The following PPP2R3A variants were observed in gnomAD, a reference collection of about 807,000 sequenced individuals.
PPP2R3A encodes the protein protein phosphatase 2 regulatory subunit B''alpha, also known as serine/threonine-protein phosphatase 2A regulatory subunit B'' subunit alpha.
A neutral mutation model predicts 106.9 loss-of-function variants in PPP2R3A; 80 were observed. The observed-to-expected ratio is 0.75, with a 90% CI of 0.62 to 0.90. The LOEUF is 0.90. PPP2R3A is among the 40% of genes least tolerant of loss of function. The pLI is 0.00. For synonymous variants in PPP2R3A, 483 were observed against 468.3 expected, an observed-to-expected ratio of 1.03 and a Z score of -0.41; for missense variants, 1,386 against 1,350.4, an observed-to-expected ratio of 1.03 and a Z score of -0.41.
intron 5 of PPP2R3A, among the ~76,000 whole-genome samples, chr3:136,066,440 A>G (rs778324949): frequency 3.3e-5 from 5 of 152,170 alleles, no homozygotes; most frequent in Non-Finnish European, 5.9e-5. Flanking sequence ...GGAAGGCAAG[A>G]TTGTTTTAAT....
In PPP2R3A at chr3:136,026,875, C is replaced by A. The variant is rs762605520; in HGVS notation, c.2039C>A (p.Pro680His). 4 of 1,612,930 alleles carry A rather than the reference C, an allele frequency of 2.5e-6. No homozygotes were observed. The highest frequency in any genetic ancestry group is 3.4e-6 in the Non-Finnish European group (4 of 1,179,066). Residue 680 changes from proline to histidine, a missense_variant, in exon 3 of 14, where the codon CCT (proline) becomes CAT (histidine). By Grantham distance (77) the Pro-to-His change is moderately conservative. Coordinates refer to ENST00000264977, the MANE Select transcript of PPP2R3A (RefSeq NM_002718.5). ...PEKKPGTPLP[P>H]PATSPSSPRP... is the part of the protein sequence containing the mutation. ...AAGAAACCTGGAACACCACTCCCACCTCCAGCCACCTCTCCAAGTAGTCCC... is the reference window on the plus strand; with the variant it reads ...AAGAAACCTGGAACACCACTCCCACATCCAGCCACCTCTCCAAGTAGTCCC...
rs147904629 is a variant in PPP2R3A at position 135,986,870 on chromosome 3, TCTAA to T, written c.-440-14186_-440-14183del. ...AATCCTTCTTGACTCCACTTTCCAC[TCTAA>T]CTTTTGCCTTATTTAATGTAAACAT... On this transcript the variant is annotated intron_variant, in intron 1 of 13. Coordinates refer to ENST00000264977, the MANE Select transcript of PPP2R3A (RefSeq NM_002718.5). 4.5e-3 allele frequency among the ~76,000 whole-genome samples: 684 copies of T among 152,296 alleles called. 3 individuals carry two copies. The highest frequency in any genetic ancestry group is 0.015 in the African/African-American group (636 of 41,570).
intron 1 of PPP2R3A, among the ~76,000 whole-genome samples, chr3:135,966,597 G>A (rs906262730): frequency 2.6e-5 from 4 of 152,140 alleles, no homozygotes; most frequent in Non-Finnish European, 5.9e-5. Context: ...GAACTCTGTT[G>A]TGCTCCCGTT....
chr3:136,103,187 C>T, intron 11 of PPP2R3A, 71 bp from the exon 12 acceptor site: 1 of 881,474 alleles, frequency 1.1e-6, no homozygotes, highest in Non-Finnish European at 1.8e-6. Flanking sequence ...TTTTAGATGT[C>T]AGGGAAAGTT....
At chr3:136,021,702 T>C (rs554587313) in intron 2 of PPP2R3A, among the ~76,000 whole-genome samples, 58 of 152,158 alleles carry the variant, frequency 3.8e-4, no homozygotes, top group Non-Finnish European at 8.1e-4. Context: ...GAAATCTAAA[T>C]ATAAAATGTG....
rs1233905196 is a variant in PPP2R3A at position 135,982,980 on chromosome 3, A to C, written c.-441+17131A>C. Among the ~76,000 whole-genome samples, 4 of 152,130 alleles carry C rather than the reference A, an allele frequency of 2.6e-5. No homozygotes were observed. In the East Asian group the frequency reaches 7.7e-4, roughly 29 times the overall value. ...TTACAGACAGATGAGTACTTCATGC[A>C]CTCTTCCAATTGGCAAGCTTAGTGC... On this transcript the variant is annotated intron_variant, in intron 1 of 13. Coordinates refer to ENST00000264977, the MANE Select transcript of PPP2R3A (RefSeq NM_002718.5).
chr3:136,010,848 TCTC>T (rs933750338), intron 2 of PPP2R3A, among the ~76,000 whole-genome samples: 1 of 152,140 alleles, frequency 6.6e-6, no homozygotes, highest in African/African-American at 2.4e-5. Context: ...CATCAGTTTT[TCTC>T]CTCTGCTCAA....
At chr3:136,096,736 A>G (rs1361550045) in intron 10 of PPP2R3A, among the ~76,000 whole-genome samples, 4 of 152,254 alleles carry the variant, frequency 2.6e-5, no homozygotes, top group Non-Finnish European at 4.4e-5. Context: ...CTTGAGTAGC[A>G]TACAGGAGTT....
intron 4 of PPP2R3A, among the ~76,000 whole-genome samples, chr3:136,041,847 T>G (rs1935299806): frequency 6.6e-6 from 1 of 152,188 alleles, no homozygotes; most frequent in Admixed American, 6.5e-5. Context: ...CCCAACATCT[T>G]TCTTCTTTAT....
At chr3:136,069,679 C>T (rs1374162696) in intron 5 of PPP2R3A, among the ~76,000 whole-genome samples, 1 of 152,174 alleles carries the variant, frequency 6.6e-6, no homozygotes, top group Non-Finnish European at 1.5e-5. Context: ...TAGCTAACTG[C>T]TCTGAAGAAA....
chr3:136,003,819 A>G (rs1933746867), intron 2 of PPP2R3A, among the ~76,000 whole-genome samples: 1 of 152,192 alleles, frequency 6.6e-6, no homozygotes, highest in Non-Finnish European at 1.5e-5. Flanking sequence ...TAAGGATCAA[A>G]ATAACTTGTG....
chr3:136,032,363 T>C (rs1934924486), intron 3 of PPP2R3A, among the ~76,000 whole-genome samples: 1 of 152,126 alleles, frequency 6.6e-6, no homozygotes, highest in South Asian at 2.1e-4. Flanking sequence ...GAGCTACTGA[T>C]TCGTGTACAT....
intron 13 of PPP2R3A, among the ~76,000 whole-genome samples, chr3:136,120,634 T>G (rs1301466148): frequency 1.3e-5 from 2 of 151,790 alleles, no homozygotes; most frequent in Middle Eastern, 6.8e-3. Flanking sequence ...ATTAACAGGG[T>G]AAACAGACAA....
Position 136,147,879 on chromosome 3 carries a change from AG to A in PPP2R3A, c.*2714del, listed in dbSNP as rs1027228209. ...TTTCCCTTTTAGCAAAACTAAATAA[AG>A]TTGTCAAATATGAATCATGTTCATT... On this transcript the variant is annotated 3_prime_UTR_variant, in exon 14 of 14. Coordinates refer to ENST00000264977, the MANE Select transcript of PPP2R3A (RefSeq NM_002718.5). 4.6e-5 allele frequency: 7 copies of A among 152,342 alleles called. No individual in the cohort carries two copies. The highest frequency in any genetic ancestry group is 1.7e-4 in the African/African-American group (7 of 41,588). 9.4% of individuals were successfully genotyped at this position (152,342 alleles called of 1,614,324 possible).
intron 3 of PPP2R3A, among the ~76,000 whole-genome samples, chr3:136,037,735 CTCCTA>C (rs1935135281): frequency 6.6e-6 from 1 of 152,212 alleles, no homozygotes; most frequent in African/African-American, 2.4e-5. Context: ...TAATCATCCT[CTCCTA>C]TGTGTATCAT....
intron 1 of PPP2R3A, among the ~76,000 whole-genome samples, chr3:135,991,611 T>C (rs1933166417): frequency 6.6e-6 from 1 of 152,224 alleles, no homozygotes; most frequent in African/African-American, 2.4e-5. Context: ...AGTTCTCTGG[T>C]AAAATGTAGC....
intron 10 of PPP2R3A, among the ~76,000 whole-genome samples, chr3:136,098,664 G>A (rs1257759615): frequency 6.6e-6 from 1 of 152,128 alleles, no homozygotes; most frequent in Non-Finnish European, 1.5e-5. Flanking sequence ...AAGGAAATGA[G>A]AAATAATAAC....
At chr3:136,007,333 G>C (rs1338805947) in intron 2 of PPP2R3A, among the ~76,000 whole-genome samples, 2 of 152,164 alleles carry the variant, frequency 1.3e-5, no homozygotes, top group African/African-American at 4.8e-5. Context: ...TCCTCAAATG[G>C]AAACCGCTCC....
chr3:135,997,338 C>G (rs1309473591), intron 1 of PPP2R3A, among the ~76,000 whole-genome samples: 3 of 152,122 alleles, frequency 2.0e-5, no homozygotes, highest in African/African-American at 7.2e-5. Context: ...TGGAAAGTCC[C>G]TTCTTCAGCC....
Sources: gnomAD v4.1 joint callset for allele counts (sites outside exome capture counted in the v4.1 genomes callset) on GRCh38, gnomAD v4.1.1 for gene constraint, MANE v1.5 for transcripts, NCBI Gene and HGNC (gene_info 2026-07-23, HGNC 2026-07-21) for gene names.